Variants in FAM135B observed in about 807,000 individuals in gnomAD.
FAM135B encodes the protein family with sequence similarity 135 member B, also known as protein FAM135B.
FAM135B carries 43 observed loss-of-function variants against 127.7 expected under a neutral mutation model. That is an observed-to-expected ratio of 0.34 (90% CI 0.26 to 0.43). FAM135B has a LOEUF of 0.43. FAM135B is among the 20% of genes least tolerant of loss of function. The probability of loss-of-function intolerance (pLI) is 1.00; values close to 1 mark genes in which losing one functional copy is unlikely to be tolerated. For synonymous variants in FAM135B, 670 were observed against 665.1 expected, an observed-to-expected ratio of 1.01 and a Z score of -0.11; for missense variants, 1,558 against 1,725.6, an observed-to-expected ratio of 0.90 and a Z score of 1.72.
At chr8:138,490,027 T>C (rs1815138611) in intron 1 of FAM135B, among the ~76,000 whole-genome samples, 1 of 152,220 alleles carries the variant, frequency 6.6e-6, no homozygotes, top group Admixed American at 6.5e-5. Context: ...TATAAACTTC[T>C]TAAGCATATA....
intron 12 of FAM135B, among the ~76,000 whole-genome samples, chr8:138,167,113 A>G (rs1820004133): frequency 6.6e-6 from 1 of 152,068 alleles, no homozygotes; most frequent in African/African-American, 2.4e-5. Flanking sequence ...ACCTGGAGAA[A>G]AAACACCCAA....
At chr8:138,388,288 G>A (rs1378833419) in intron 1 of FAM135B, among the ~76,000 whole-genome samples, 6 of 152,164 alleles carry the variant, frequency 3.9e-5, no homozygotes, top group Non-Finnish European at 7.4e-5. Context: ...CTCATTCACT[G>A]CTGGTGGGAA....
chr8:138,225,237 A>G (rs1819323088), intron 7 of FAM135B, among the ~76,000 whole-genome samples: 3 of 152,158 alleles, frequency 2.0e-5, no homozygotes, highest in African/African-American at 7.2e-5. Context: ...TGTCAACTAA[A>G]AAATAAATAG....
intron 3 of FAM135B, among the ~76,000 whole-genome samples, chr8:138,266,712 C>T (rs1465578141): frequency 1.4e-5 from 2 of 144,800 alleles, no homozygotes; most frequent in Admixed American, 7.0e-5. Flanking sequence ...AACAAATGGA[C>T]GAACTCCTCC....
intron 17 of FAM135B, among the ~76,000 whole-genome samples, chr8:138,140,654 TATGCAC>T (rs1817057083): frequency 3.3e-5 from 1 of 30,064 alleles, no homozygotes; most frequent in Admixed American, 4.1e-4. Context: ...ATGATACACA[TATGCAC>T]ATATGCACCT....
intron 1 of FAM135B, among the ~76,000 whole-genome samples, chr8:138,407,364 A>T (rs1191726678): frequency 2.0e-5 from 3 of 152,200 alleles, no homozygotes; most frequent in African/African-American, 7.2e-5. Flanking sequence ...TGCCATCCCC[A>T]TCAAGCTACC....
intron 2 of FAM135B, among the ~76,000 whole-genome samples, chr8:138,324,059 G>C (rs1827635916): frequency 6.6e-6 from 1 of 152,226 alleles, no homozygotes; most frequent in Admixed American, 6.5e-5. Flanking sequence ...CAGGAAACTT[G>C]AGGGTAGTAA....
At chr8:138,293,349 T>C (rs544665526) in intron 3 of FAM135B, among the ~76,000 whole-genome samples, 1 of 152,246 alleles carries the variant, frequency 6.6e-6, no homozygotes, top group East Asian at 1.9e-4. Flanking sequence ...ATGCAAAGAC[T>C]TTATGACAAA....
At chr8:138,331,231 C>T (rs865814224) in intron 2 of FAM135B, among the ~76,000 whole-genome samples, 2 of 152,114 alleles carry the variant, frequency 1.3e-5, no homozygotes, top group African/African-American at 2.4e-5. Context: ...CAATCACAGA[C>T]ACATTATTTG....
chr8:138,350,947 A>G (rs1829737561), intron 2 of FAM135B, among the ~76,000 whole-genome samples: 1 of 152,102 alleles, frequency 6.6e-6, no homozygotes, highest in Non-Finnish European at 1.5e-5. Flanking sequence ...CAAAGTCATC[A>G]TTCACCATGT....
intron 3 of FAM135B, among the ~76,000 whole-genome samples, chr8:138,295,208 T>G (rs1314960478): frequency 7.2e-6 from 1 of 139,270 alleles, no homozygotes. Flanking sequence ...AGACTCCTAC[T>G]GAGGGGCAGA....
rs937367237 is a variant in FAM135B, at chr8:138,165,516, A to G, written c.1258+2379T>C. Among the ~76,000 whole-genome samples, 7 of 152,192 alleles carry G rather than the reference A, an allele frequency of 4.6e-5. No homozygotes were observed. In the East Asian group the frequency reaches 1.3e-3, roughly 29 times the overall value. ...CATATTCACAAGAATGTATGTTAAT[A>G]TGTGCAGAAAAAAAGACTGGAAGAC... On this transcript the variant is annotated intron_variant, in intron 12 of 19. Transcript: ENST00000395297.
intron 3 of FAM135B, among the ~76,000 whole-genome samples, chr8:138,271,911 T>C (rs1250014135): frequency 1.3e-5 from 2 of 152,160 alleles, no homozygotes; most frequent in Non-Finnish European, 2.9e-5. Context: ...TATATGAGTT[T>C]TCATTTTATT....
chr8:138,379,271 A>G (rs1194967737), intron 1 of FAM135B, among the ~76,000 whole-genome samples: 2 of 152,122 alleles, frequency 1.3e-5, no homozygotes, highest in African/African-American at 4.8e-5. Flanking sequence ...TTTACGGGTT[A>G]CCCTAATCGA....
intron 6 of FAM135B, among the ~76,000 whole-genome samples, chr8:138,250,635 C>T (rs1395744403): frequency 1.3e-5 from 2 of 152,078 alleles, no homozygotes; most frequent in East Asian, 1.9e-4. Flanking sequence ...TGCAGGTTTT[C>T]GACTTCCGGG....
chr8:138,223,468 G>A (rs1819184178), intron 7 of FAM135B, among the ~76,000 whole-genome samples: 1 of 152,188 alleles, frequency 6.6e-6, no homozygotes, highest in Non-Finnish European at 1.5e-5. Flanking sequence ...AGTAGATTAG[G>A]ACTTTGGAGG....
intron 12 of FAM135B, among the ~76,000 whole-genome samples, chr8:138,159,775 CT>C (rs71316326): frequency 0.68 from 103,447 of 151,910 alleles, 35,286 homozygotes; most frequent in East Asian, 0.77. Flanking sequence ...AAGAATTTGG[CT>C]TTTTTTCATT....
intron 7 of FAM135B, among the ~76,000 whole-genome samples, chr8:138,208,985 A>G (rs529355091): frequency 5.3e-5 from 8 of 152,242 alleles, no homozygotes; most frequent in Admixed American, 1.3e-4. Flanking sequence ...GCATGAATAC[A>G]TAAGTTGTTG....
chr8:138,346,418 A>G (rs950249618), intron 2 of FAM135B, among the ~76,000 whole-genome samples: 1 of 152,236 alleles, frequency 6.6e-6, no homozygotes, highest in Non-Finnish European at 1.5e-5. Flanking sequence ...GAATCAACCC[A>G]AATGCCAATC....
Sources: allele counts gnomAD v4.1 joint callset (sites outside exome capture counted in the v4.1 genomes callset), GRCh38; gene constraint gnomAD v4.1.1; transcripts MANE v1.5; gene names NCBI Gene and HGNC (gene_info 2026-07-23, HGNC 2026-07-21).